The following PRKG1 variants were observed in gnomAD, a reference collection of about 807,000 sequenced individuals.
PRKG1 encodes the protein protein kinase cGMP-dependent 1.
PRKG1 carries 35 observed loss-of-function variants against 88.1 expected under a neutral mutation model. That is an observed-to-expected ratio of 0.40 (90% CI 0.30 to 0.53). PRKG1 has a LOEUF of 0.53. Among genes scored for constraint, PRKG1 ranks in the 20% least tolerant of loss-of-function variants. The pLI, the probability that PRKG1 is intolerant of heterozygous loss-of-function variation, is 0.59. For missense variants in PRKG1, 540 were observed against 839.8 expected (o/e 0.64, Z 4.41); for synonymous variants, 303 against 292.5 (o/e 1.04, Z -0.37).
At chr10:51,525,535 A>G (rs1283440513) in intron 3 of PRKG1, among the ~76,000 whole-genome samples, 1 of 152,018 alleles carries the variant, frequency 6.6e-6, no homozygotes, top group Non-Finnish European at 1.5e-5. Context: ...TGTCTCTACT[A>G]AAAATACAAA....
chr10:51,422,959 A>AT (rs1564488422), intron 2 of PRKG1, among the ~76,000 whole-genome samples: 3 of 103,882 alleles, frequency 2.9e-5, no homozygotes, highest in Non-Finnish European at 6.7e-5. Context: ...CCATTGAAAT[A>AT]GGTTTTTTTT....
At chr10:51,248,340 A>G (rs564874901) in intron 2 of PRKG1, among the ~76,000 whole-genome samples, 8 of 151,892 alleles carry the variant, frequency 5.3e-5, no homozygotes, top group Non-Finnish European at 1.2e-4. Flanking sequence ...TTTCAAGTGC[A>G]TATCAAAATA....
chr10:51,241,267 G>A (rs192101953), intron 2 of PRKG1, among the ~76,000 whole-genome samples: 1 of 151,900 alleles, frequency 6.6e-6, no homozygotes, highest in Non-Finnish European at 1.5e-5. Context: ...ACGGCGTCAT[G>A]GCACAGGCAG....
chr10:51,310,425 G>C (rs1841154133), intron 2 of PRKG1, among the ~76,000 whole-genome samples: 1 of 152,104 alleles, frequency 6.6e-6, no homozygotes, highest in African/African-American at 2.4e-5. Context: ...TCCTCACACA[G>C]TTTAATGAAG....
At chr10:52,227,061 G>C (rs1840406513) in intron 9 of PRKG1, among the ~76,000 whole-genome samples, 1 of 152,154 alleles carries the variant, frequency 6.6e-6, no homozygotes, top group Admixed American at 6.5e-5. Flanking sequence ...CAGTTCAACA[G>C]GAATGAGGTG....
intron 5 of PRKG1, among the ~76,000 whole-genome samples, chr10:52,019,367 T>C (rs1845124130): frequency 6.6e-6 from 1 of 152,210 alleles, no homozygotes. Flanking sequence ...TTGATGATTA[T>C]GTTTCAAAGG....
chr10:51,487,213 T>G (rs1840573144), intron 3 of PRKG1, among the ~76,000 whole-genome samples: 1 of 152,188 alleles, frequency 6.6e-6, no homozygotes, highest in Non-Finnish European at 1.5e-5. Context: ...CTTAGAAGTT[T>G]TAAGCTTCTG....
intron 3 of PRKG1, among the ~76,000 whole-genome samples, chr10:51,653,985 C>T (rs1775324135): frequency 6.6e-6 from 1 of 151,788 alleles, no homozygotes; most frequent in Admixed American, 6.6e-5. Context: ...CTCCCAATTC[C>T]AAGATTATGT....
chr10:51,925,899 G>C (rs1052638017), intron 5 of PRKG1, among the ~76,000 whole-genome samples: 10 of 151,986 alleles, frequency 6.6e-5, no homozygotes, highest in Non-Finnish European at 1.5e-4. Context: ...TGAAAGTGTT[G>C]ACTTACAAGC....
At chr10:51,278,822 CG>C (rs1840207856) in intron 2 of PRKG1, among the ~76,000 whole-genome samples, 1 of 151,812 alleles carries the variant, frequency 6.6e-6, no homozygotes, top group Admixed American at 6.6e-5. Flanking sequence ...TTTTTTATTG[CG>C]TCTATTTGAT....
At chr10:51,226,031 C>A (rs1369641254) in intron 2 of PRKG1, among the ~76,000 whole-genome samples, 2 of 152,080 alleles carry the variant, frequency 1.3e-5, no homozygotes, top group Non-Finnish European at 2.9e-5. Context: ...CGGTGAAACA[C>A]CGCCTCTACT....
chr10:51,979,410 G>GTTTTTTTTTTTTTTT lies in PRKG1; in HGVS notation c.762+71850_762+71864dup, dbSNP rs61150252. Among the ~76,000 whole-genome samples, 204 of 47,058 alleles carry GTTTTTTTTTTTTTTT rather than the reference G, an allele frequency of 4.3e-3. 28 individuals carry two copies. Among genetic ancestry groups the GTTTTTTTTTTTTTTT allele is most frequent in the East Asian group, 6.2e-3 (8 of 1,294 alleles). 30.9% of individuals were successfully genotyped at this position (47,058 alleles called of 152,430 possible). On this transcript the variant is annotated intron_variant, in intron 5 of 17. Transcript: ENST00000373980. ...CAATATTCATCATGGATATTGGTCT[G>GTTTTTTTTTTTTTTT]TTTTTTTTTTTTTTTTTTTTTTTTC...
At chr10:51,504,193 G>A in intron 3 of PRKG1, among the ~76,000 whole-genome samples, 1 of 152,066 alleles carries the variant, frequency 6.6e-6, no homozygotes, top group East Asian at 1.9e-4. Context: ...GATTTTAAAG[G>A]TGCAAAGAAT....
At chr10:51,845,930 C>T (rs1261070895) in intron 4 of PRKG1, among the ~76,000 whole-genome samples, 1 of 150,578 alleles carries the variant, frequency 6.6e-6, no homozygotes, top group Admixed American at 6.6e-5. Flanking sequence ...ACAGTTCTGT[C>T]TGATTGAGTG....
intron 3 of PRKG1, among the ~76,000 whole-genome samples, chr10:51,583,014 T>G (rs935888397): frequency 1.3e-5 from 2 of 152,180 alleles, no homozygotes; most frequent in Non-Finnish European, 2.9e-5. Flanking sequence ...AGACTTATGT[T>G]TGTTGGAAGA....
At position 51,981,295 on chromosome 10, in the gene PRKG1, A is replaced by C. The variant is rs541228949; in HGVS notation, c.763-73189A>C. Among the ~76,000 whole-genome samples, 4 of 152,250 alleles carry C rather than the reference A, an allele frequency of 2.6e-5. No homozygotes were observed. The South Asian group carries it at 8.3e-4, about 32-fold the overall frequency. On this transcript the variant is annotated intron_variant, in intron 5 of 17. Coordinates refer to ENST00000373980, the MANE Select transcript of PRKG1 (RefSeq NM_006258.4). Reference sequence around the variant, plus strand: ...GGGTTGGAATTTCTTTTCTTTAAGAATGTCAAATGGCTAGGCGTGGTGGCT... The same window carrying C: ...GGGTTGGAATTTCTTTTCTTTAAGACTGTCAAATGGCTAGGCGTGGTGGCT...
chr10:52,120,110 G>A (rs1483938118), intron 7 of PRKG1, among the ~76,000 whole-genome samples: 1 of 151,988 alleles, frequency 6.6e-6, no homozygotes, highest in Non-Finnish European at 1.5e-5. Context: ...CACTGAACTT[G>A]CTTTTATAAC....
chr10:52,109,739 G>T (rs544883189), intron 7 of PRKG1, among the ~76,000 whole-genome samples: 2 of 150,998 alleles, frequency 1.3e-5, no homozygotes, highest in African/African-American at 4.9e-5. Flanking sequence ...CTCCAGCCTG[G>T]GTGACAGAGC....
At chr10:51,107,847 A>T (rs1267647726) in intron 1 of PRKG1, among the ~76,000 whole-genome samples, 2 of 150,726 alleles carry the variant, frequency 1.3e-5, no homozygotes, top group Non-Finnish European at 3.0e-5. Context: ...ATAAAACTTT[A>T]TAACCAGACT....
Sources: gnomAD v4.1 joint callset for allele counts (sites outside exome capture counted in the v4.1 genomes callset) on GRCh38, gnomAD v4.1.1 for gene constraint, MANE v1.5 for transcripts, NCBI Gene and HGNC (gene_info 2026-07-23, HGNC 2026-07-21) for gene names.